The following PDLIM5 variants were observed in gnomAD, a reference collection of about 807,000 sequenced individuals.
PDLIM5 encodes PDZ and LIM domain 5, also known as PDZ and LIM domain protein 5.
PDLIM5 carries 34 observed loss-of-function variants against 64.2 expected under a neutral mutation model. The ratio of observed to expected loss-of-function variants is 0.53; its 90% CI spans 0.40 to 0.71. The LOEUF is 0.71. PDLIM5 is among the 30% of genes least tolerant of loss of function. PDLIM5 has a pLI of 0.00. For synonymous variants in PDLIM5, 253 were observed against 269.1 expected, an observed-to-expected ratio of 0.94 and a Z score of 0.59; for missense variants, 683 against 733.6, an observed-to-expected ratio of 0.93 and a Z score of 0.80.
chr4:94,657,429 A>G lies in PDLIM5; in HGVS notation c.1467A>G (p.Glu489=). 1 of 1,587,412 alleles carries G rather than the reference A, an allele frequency of 6.3e-7. No homozygotes were observed. The highest frequency in any genetic ancestry group is 1.7e-5 in the Admixed American group (1 of 59,512). ...ATCCAATTACCTTTCTGTAACAGGA[A>G]GTCATCAGTGCGTTGAAACAAACTT... The part of the protein sequence containing the change: ...CGRCQRKILG[E]VISALKQTWH... The change falls in exon 11 of 13, where the codon GAA becomes GAG. Residue 489 remains glutamate (E), a splice_region_variant and synonymous_variant. Transcript: ENST00000317968.
At chr4:94,576,290 G>C (rs1443498988) in intron 5 of PDLIM5, among the ~76,000 whole-genome samples, 1 of 151,940 alleles carries the variant, frequency 6.6e-6, no homozygotes, top group African/African-American at 2.4e-5. Flanking sequence ...TTTTTTGTAA[G>C]TCCCGACACA....
intron 2 of PDLIM5, among the ~76,000 whole-genome samples, chr4:94,473,437 T>A (rs1159082946): frequency 6.6e-6 from 1 of 152,116 alleles, no homozygotes; most frequent in African/African-American, 2.4e-5. Context: ...AACTTTTGTA[T>A]TTTTAGTAGA....
At chr4:94,638,474 G>A (rs1314317640) in intron 8 of PDLIM5, among the ~76,000 whole-genome samples, 1 of 152,140 alleles carries the variant, frequency 6.6e-6, no homozygotes, top group Admixed American at 6.5e-5. Flanking sequence ...TAAATGCTGG[G>A]TTTCTGGATC....
At chr4:94,496,279 T>C (rs188303707) in intron 2 of PDLIM5, among the ~76,000 whole-genome samples, 366 of 152,342 alleles carry the variant, frequency 2.4e-3, no homozygotes, top group Non-Finnish European at 3.9e-3. Flanking sequence ...GGAAGTCTTA[T>C]TAAATTGATA....
intron 2 of PDLIM5, among the ~76,000 whole-genome samples, chr4:94,470,015 G>C (rs1724717284): frequency 1.4e-5 from 2 of 140,348 alleles, no homozygotes. Flanking sequence ...CGCCCAGGCT[G>C]GAGTGCAGTG....
At chr4:94,504,574 C>T (rs1269707679) in intron 2 of PDLIM5, among the ~76,000 whole-genome samples, 6 of 152,092 alleles carry the variant, frequency 3.9e-5, no homozygotes, top group Admixed American at 2.6e-4. Flanking sequence ...TGTGAGCCGC[C>T]GTGCCTGGCC....
intron 3 of PDLIM5, among the ~76,000 whole-genome samples, chr4:94,557,744 G>A (rs1311354112): frequency 6.6e-6 from 1 of 152,116 alleles, no homozygotes; most frequent in Non-Finnish European, 1.5e-5. Flanking sequence ...TGTGGTTTTT[G>A]TACATTGGTT....
At position 94,534,655 on chromosome 4, in the gene PDLIM5, A is replaced by G. The variant is rs142386700; in HGVS notation, c.248+10780A>G. 3.9e-5 allele frequency among the ~76,000 whole-genome samples: 6 copies of G among 152,360 alleles called. No homozygotes were observed. The East Asian group carries it at 1.2e-3, about 29-fold the overall frequency. On this transcript the variant is annotated intron_variant, in intron 3 of 12. Transcript: ENST00000317968. ...AGGTTAAATGAAATAGCATATGTAA[A>G]GAGCCTAGGACATAATAAGGATAAG...
chr4:94,593,787 A>G (rs1736857469), intron 7 of PDLIM5, among the ~76,000 whole-genome samples: 1 of 152,188 alleles, frequency 6.6e-6, no homozygotes. Context: ...ATTGTCATTT[A>G]AGAAAAAATT....
chr4:94,456,535 T>G, intron 2 of PDLIM5: 1 of 717,484 alleles, frequency 1.4e-6, no homozygotes, highest in Admixed American at 2.0e-5. Context: ...TGCAACAATT[T>G]ACCCTGAGAT....
chr4:94,654,684 G>T, intron 10 of PDLIM5, 44 bp downstream of exon 10: 2 of 1,281,388 alleles, frequency 1.6e-6, no homozygotes, highest in Non-Finnish European at 1.1e-6. Flanking sequence ...TTTTAAAGTA[G>T]AATAATTTTT....
chr4:94,455,164 C>G, intron 1 of PDLIM5, 83 bp from the exon 2 acceptor site: 1 of 606,762 alleles, frequency 1.6e-6, no homozygotes, highest in East Asian at 2.7e-5. Flanking sequence ...CCTCTCACCC[C>G]CCTCAAACAA....
At chr4:94,559,687 GA>G (rs1213842628) in intron 3 of PDLIM5, among the ~76,000 whole-genome samples, 1 of 152,158 alleles carries the variant, frequency 6.6e-6, no homozygotes, top group African/African-American at 2.4e-5. Flanking sequence ...CTCAAATATG[GA>G]TCTCAACATT....
intron 7 of PDLIM5, among the ~76,000 whole-genome samples, chr4:94,595,861 GAATTAGC>G (rs1737032742): frequency 6.6e-6 from 1 of 152,058 alleles, no homozygotes; most frequent in Admixed American, 6.6e-5. Flanking sequence ...CATGAGATAA[GAATTAGC>G]AATTGGACTT....
chr4:94,562,255 T>A (rs1374404214), intron 3 of PDLIM5, among the ~76,000 whole-genome samples: 5 of 152,180 alleles, frequency 3.3e-5, no homozygotes, highest in Non-Finnish European at 5.9e-5. Context: ...GCTTATATAT[T>A]CAGTTTTTTT....
chr4:94,665,785 A>G lies in PDLIM5; in HGVS notation c.*1718A>G. 7.8e-7 allele frequency: 1 copy of G among 1,276,264 alleles called. No individual in the cohort carries two copies. The highest frequency in any genetic ancestry group is 9.9e-7 in the Non-Finnish European group (1 of 1,014,100). The allele number at this position is 1,276,264 out of a possible 1,614,324, so 79.1% of individuals were successfully genotyped here. The stretch of plus-strand genomic sequence containing the variant: ...GTTTTCTCTCAATAATAAGTGAACC[A>G]ATTTCAAATGTGATCACAAAGTTTG... On this transcript the variant is annotated 3_prime_UTR_variant, in exon 13 of 13. Coordinates refer to ENST00000317968, the MANE Select transcript of PDLIM5 (RefSeq NM_006457.5).
chr4:94,563,481 A>G (rs1342554481), intron 3 of PDLIM5, among the ~76,000 whole-genome samples: 1 of 152,190 alleles, frequency 6.6e-6, no homozygotes, highest in African/African-American at 2.4e-5. Flanking sequence ...GAGATTGTGA[A>G]GAATCTTCAT....
At chr4:94,495,567 A>G (rs533324220) in intron 2 of PDLIM5, among the ~76,000 whole-genome samples, 2 of 152,204 alleles carry the variant, frequency 1.3e-5, no homozygotes, top group South Asian at 4.1e-4. Flanking sequence ...AGGAACAGGC[A>G]TGGTATGCTC....
Position 94,516,508 on chromosome 4 carries a change from G to GTCTC in PDLIM5, c.97-7194_97-7191dup, listed in dbSNP as rs3838638. Among the ~76,000 whole-genome samples the GTCTC allele has an allele frequency of 1.8e-4, 27 of 149,948 alleles. 1 individual carries two copies. In the East Asian group the frequency reaches 2.8e-3, roughly 15 times the overall value. On this transcript the variant is annotated intron_variant, in intron 2 of 12. Transcript: ENST00000317968. The stretch of plus-strand genomic sequence containing the variant: ...AGAAAAAGGTAATAAATCCAAAGCA[G>GTCTC]TCTCTCTCTCTCTCTCTCTCTCTCT...
Sources: gnomAD v4.1 joint callset for allele counts (sites outside exome capture counted in the v4.1 genomes callset) on GRCh38, gnomAD v4.1.1 for gene constraint, MANE v1.5 for transcripts, NCBI Gene and HGNC (gene_info 2026-07-23, HGNC 2026-07-21) for gene names.